MGRN1: variants seen among roughly 807,000 people sequenced by gnomAD.
MGRN1 encodes the protein mahogunin ring finger 1.
MGRN1 carries 29 observed loss-of-function variants against 69.2 expected under a neutral mutation model. That is an observed-to-expected ratio of 0.42 (90% CI 0.31 to 0.57). MGRN1 has a LOEUF of 0.57. MGRN1 is among the 20% of genes least tolerant of loss of function. The probability of loss-of-function intolerance (pLI) is 0.15; values close to 1 mark genes in which losing one functional copy is unlikely to be tolerated. For missense variants in MGRN1, 998 were observed against 796.2 expected, an observed-to-expected ratio of 1.25 and a Z score of -3.05; for synonymous variants, 470 against 344.2, an observed-to-expected ratio of 1.37 and a Z score of -4.04.
At chr16:4,637,733 C>A (rs1012507697) in intron 1 of MGRN1, among the ~76,000 whole-genome samples, 21 of 152,356 alleles carry the variant, frequency 1.4e-4, no homozygotes, top group African/African-American at 5.0e-4. Context: ...GAGGCCATCG[C>A]CACCCACCAG....
At chr16:4,627,363 G>T (rs1239235258) in intron 1 of MGRN1, among the ~76,000 whole-genome samples, 1 of 152,236 alleles carries the variant, frequency 6.6e-6, no homozygotes, top group African/African-American at 2.4e-5. Flanking sequence ...CGCTCAGCTT[G>T]AATTTAATAT....
chr16:4,685,735 C>T (rs555433243), intron 16 of MGRN1, among the ~76,000 whole-genome samples: 3 of 152,352 alleles, frequency 2.0e-5, no homozygotes, highest in East Asian at 3.9e-4. Flanking sequence ...CATCACAGAG[C>T]CCTTGACTGT....
At chr16:4,636,580 C>T (rs574918243) in intron 1 of MGRN1, among the ~76,000 whole-genome samples, 1 of 152,176 alleles carries the variant, frequency 6.6e-6, no homozygotes, top group South Asian at 2.1e-4. Flanking sequence ...AGATTTTAAA[C>T]TTTTAGGAGT....
At chr16:4,668,597 C>G (rs1310275252) in intron 8 of MGRN1, among the ~76,000 whole-genome samples, 1 of 151,210 alleles carries the variant, frequency 6.6e-6, no homozygotes, top group Non-Finnish European at 1.5e-5. Context: ...CACTCATACA[C>G]ACATACACTC....
At position 4,650,391 on chromosome 16, in the gene MGRN1, A is replaced by G. The variant is rs777771994; in HGVS notation, c.115A>G (p.Met39Val). The part of the protein sequence containing the change: ...SGNYFASHFF[M>V]GGEKFDTPHP... ...AAACTACTTTGCTTCGCACTTTTTC[A>G]TGGGAGGAGAGAAATTCGACACCCC... is the stretch of plus-strand genomic sequence containing the variant. The change falls in exon 2 of 17, where the codon ATG (methionine) becomes GTG (valine). Residue 39 changes from methionine to valine, a missense_variant. Physicochemically the swap from Met to Val is conservative, Grantham distance 21. Coordinates refer to ENST00000262370, the MANE Select transcript of MGRN1 (RefSeq NM_015246.4). The G allele has an allele frequency of 5.6e-6, 9 of 1,612,240 alleles. No individual in the cohort carries two copies. Among genetic ancestry groups the G allele is most frequent in the Non-Finnish European group, 7.6e-6 (9 of 1,179,458 alleles).
intron 1 of MGRN1, among the ~76,000 whole-genome samples, chr16:4,636,209 C>A (rs933161068): frequency 6.6e-6 from 1 of 151,948 alleles, no homozygotes; most frequent in African/African-American, 2.4e-5. Flanking sequence ...CCCCCAGAGG[C>A]CCCCTATTGT....
At position 4,671,893 on chromosome 16, in the gene MGRN1, G is replaced by A. The variant is rs866687046; in HGVS notation, c.795+434G>A. Among the ~76,000 whole-genome samples, 5 of 152,260 alleles carry A rather than the reference G, an allele frequency of 3.3e-5. No homozygotes were observed. The South Asian group carries it at 6.2e-4, about 19-fold the overall frequency. ...TACCCCAGTCAGGGAATGTAGCAGG[G>A]GATGAAATTAGTTTTTTTTGTTTTT... On this transcript the variant is annotated intron_variant, in intron 9 of 16. Transcript: ENST00000262370.
intron 4 of MGRN1, among the ~76,000 whole-genome samples, chr16:4,654,928 C>A (rs1352307967): frequency 6.6e-6 from 1 of 152,230 alleles, no homozygotes; most frequent in Non-Finnish European, 1.5e-5. Flanking sequence ...AGACTTTGTT[C>A]TTTGAGGCTC....
intron 7 of MGRN1, among the ~76,000 whole-genome samples, chr16:4,666,559 G>A (rs1201144666): frequency 1.3e-5 from 2 of 152,236 alleles, no homozygotes; most frequent in African/African-American, 4.8e-5. Flanking sequence ...AGGGCTGTCT[G>A]CGGTAGACTG....
rs766441935 is a variant in MGRN1, at chr16:4,657,337, G to T, written c.535G>T (p.Asp179Tyr). The T allele has an allele frequency of 6.2e-7, 1 of 1,613,992 alleles. No individual in the cohort carries two copies. The highest frequency in any genetic ancestry group is 8.5e-7 in the Non-Finnish European group (1 of 1,179,956). ...GTTCTCCCTGCCCTCCTTCAAGATTGACTTCTCGGAATGGAAGGATGACGA... is the reference window on the plus strand; with the variant it reads ...GTTCTCCCTGCCCTCCTTCAAGATTTACTTCTCGGAATGGAAGGATGACGA... ...QQFSLPSFKI[D>Y]FSEWKDDELN... Residue 179 changes from aspartate to tyrosine, a missense_variant, in exon 5 of 17, where the codon GAC becomes TAC. Asp to Tyr is a radical substitution (Grantham distance 160, BLOSUM62 -3). Transcript: ENST00000262370.
At chr16:4,642,045 G>A (rs1020039792) in intron 1 of MGRN1, among the ~76,000 whole-genome samples, 1 of 151,710 alleles carries the variant, frequency 6.6e-6, no homozygotes, top group Non-Finnish European at 1.5e-5. Context: ...TGTTGATCAC[G>A]TAGACCCTGT....
At chr16:4,671,175 A>C in intron 8 of MGRN1, 1 of 583,484 alleles carries the variant, frequency 1.7e-6, no homozygotes, top group Non-Finnish European at 3.0e-6. Flanking sequence ...AGTAGTGGGG[A>C]GAGCCACCGG....
chr16:4,641,120 C>T (rs778953438), intron 1 of MGRN1, among the ~76,000 whole-genome samples: 15 of 152,202 alleles, frequency 9.9e-5, no homozygotes, highest in Non-Finnish European at 1.9e-4. Context: ...CCCTTGGCAG[C>T]GCTGCCTGCT....
At chr16:4,668,768 A>G (rs967252712) in intron 8 of MGRN1, among the ~76,000 whole-genome samples, 1 of 151,288 alleles carries the variant, frequency 6.6e-6, no homozygotes, top group African/African-American at 2.4e-5. Flanking sequence ...CCATTCACAC[A>G]CACATAGACA....
intron 8 of MGRN1, among the ~76,000 whole-genome samples, chr16:4,670,125 C>T (rs1034396855): frequency 1.3e-5 from 2 of 152,124 alleles, no homozygotes; most frequent in African/African-American, 4.8e-5. Flanking sequence ...AATGCAGTGG[C>T]GCGATCTCAG....
intron 1 of MGRN1, among the ~76,000 whole-genome samples, chr16:4,630,282 G>A (rs1258787973): frequency 6.0e-5 from 9 of 149,192 alleles, no homozygotes; most frequent in South Asian, 4.3e-4. Flanking sequence ...AACCCGGAGC[G>A]CGGCAGAGGT....
At chr16:4,638,627 C>G (rs969064764) in intron 1 of MGRN1, among the ~76,000 whole-genome samples, 6 of 152,196 alleles carry the variant, frequency 3.9e-5, no homozygotes, top group African/African-American at 1.4e-4. Context: ...GCTGCCACCC[C>G]CTCTGGCCTC....
At chr16:4,648,121 G>C (rs1012169307) in intron 1 of MGRN1, among the ~76,000 whole-genome samples, 1 of 152,204 alleles carries the variant, frequency 6.6e-6, no homozygotes, top group Non-Finnish European at 1.5e-5. Context: ...GGGGCCCCCA[G>C]TGGGAATTCT....
chr16:4,664,822 G>T lies in MGRN1; in HGVS notation c.628+47G>T, dbSNP rs773814244. 10 of 1,603,792 alleles carry T rather than the reference G, an allele frequency of 6.2e-6. No individual in the cohort carries two copies. The East Asian group carries it at 1.3e-4, about 21-fold the overall frequency. ...CTCCTGGGCGTGCAGGCCGTGCAGG[G>T]AGGAAGCACGTCTTGAGGGAGGAGT... On this transcript the variant is annotated intron_variant, in intron 6 of 16. Coordinates refer to ENST00000262370, the MANE Select transcript of MGRN1 (RefSeq NM_015246.4).
Sources: allele counts gnomAD v4.1 joint callset (sites outside exome capture counted in the v4.1 genomes callset), GRCh38; gene constraint gnomAD v4.1.1; transcripts MANE v1.5; gene names NCBI Gene and HGNC (gene_info 2026-07-23, HGNC 2026-07-21).